FMN1: variants seen among roughly 807,000 people sequenced by gnomAD.
The protein encoded by FMN1 is formin 1, also known as formin-1.
Under a neutral mutation model 132.4 loss-of-function variants are expected in FMN1, and 110 were observed. The ratio of observed to expected loss-of-function variants is 0.83; its 90% CI spans 0.71 to 0.97. The LOEUF (loss-of-function observed/expected upper bound fraction) is 0.97. Among genes scored for constraint, FMN1 ranks in the 50% least tolerant of loss-of-function variants. The probability of loss-of-function intolerance (pLI) is 0.00; values close to 1 mark genes in which losing one functional copy is unlikely to be tolerated. For synonymous variants in FMN1, 722 were observed against 651.7 expected, an observed-to-expected ratio of 1.11 and a Z score of -1.64; for missense variants, 1,792 against 1,705.3, an observed-to-expected ratio of 1.05 and a Z score of -0.90.
At chr15:32,963,339 G>C (rs993551887) in intron 9 of FMN1, among the ~76,000 whole-genome samples, 3 of 134,142 alleles carry the variant, frequency 2.2e-5, no homozygotes, top group African/African-American at 8.4e-5. Context: ...TCTGGGGACT[G>C]TTGTGGGGTC....
intron 5 of FMN1, among the ~76,000 whole-genome samples, chr15:33,076,215 T>C (rs149964130): frequency 1.3e-5 from 2 of 152,308 alleles, no homozygotes; most frequent in African/African-American, 2.4e-5. Flanking sequence ...ATAATATTGC[T>C]GTTCCATATG....
intron 9 of FMN1, among the ~76,000 whole-genome samples, chr15:32,963,241 GAACA>G (rs1231330106): frequency 1.3e-5 from 2 of 148,738 alleles, no homozygotes; most frequent in African/African-American, 5.0e-5. Flanking sequence ...ACTATCACAA[GAACA>G]AAAAACCAAA....
At chr15:33,071,215 A>G (rs774317281) in intron 5 of FMN1, among the ~76,000 whole-genome samples, 1 of 152,210 alleles carries the variant, frequency 6.6e-6, no homozygotes, top group Non-Finnish European at 1.5e-5. Flanking sequence ...TTTCTTTTGC[A>G]TAACTTGGGG....
At chr15:32,916,233 G>A (rs1292231603) in intron 10 of FMN1, among the ~76,000 whole-genome samples, 1 of 152,176 alleles carries the variant, frequency 6.6e-6, no homozygotes, top group Non-Finnish European at 1.5e-5. Flanking sequence ...CCGGGTAAGA[G>A]ATGGCTTTTC....
intron 3 of FMN1, among the ~76,000 whole-genome samples, chr15:33,163,279 G>T (rs948617823): frequency 1.3e-5 from 2 of 150,330 alleles, no homozygotes; most frequent in Non-Finnish European, 3.0e-5. Context: ...TGCTATTTTG[G>T]TTTCTTGTCT....
chr15:33,020,336 C>T (rs529694716), intron 6 of FMN1, among the ~76,000 whole-genome samples: 1 of 152,034 alleles, frequency 6.6e-6, no homozygotes, highest in Admixed American at 6.5e-5. Flanking sequence ...CCCAACCCCC[C>T]CACCAGATTC....
intron 17 of FMN1, among the ~76,000 whole-genome samples, chr15:32,854,433 G>GTA: frequency 6.6e-6 from 1 of 152,306 alleles, no homozygotes; most frequent in Admixed American, 6.5e-5. Context: ...TCCTACAATA[G>GTA]TATATATATT....
intron 7 of FMN1, among the ~76,000 whole-genome samples, chr15:33,004,638 C>T (rs564461008): frequency 6.6e-5 from 10 of 152,274 alleles, no homozygotes; most frequent in Admixed American, 2.6e-4. Flanking sequence ...GGCGATTCCT[C>T]AGGGATCTAG....
chr15:33,096,343 C>T (rs2039084409), intron 4 of FMN1, among the ~76,000 whole-genome samples: 1 of 152,182 alleles, frequency 6.6e-6, no homozygotes, highest in African/African-American at 2.4e-5. Context: ...TGTCAATAAC[C>T]TTTGCCCTTC....
chr15:32,833,501 T>TA (rs1280279886), intron 17 of FMN1, among the ~76,000 whole-genome samples: 3 of 152,078 alleles, frequency 2.0e-5, no homozygotes, highest in Non-Finnish European at 4.4e-5. Context: ...GCCCCAATAT[T>TA]AGTCCATACA....
At chr15:32,883,409 C>A (rs1390193868) in intron 16 of FMN1, among the ~76,000 whole-genome samples, 3 of 144,510 alleles carry the variant, frequency 2.1e-5, no homozygotes, top group African/African-American at 7.7e-5. Context: ...GCTTAGGAGG[C>A]TGAGGTAGGA....
At chr15:32,994,837 T>C (rs896277046) in intron 7 of FMN1, among the ~76,000 whole-genome samples, 1 of 152,208 alleles carries the variant, frequency 6.6e-6, no homozygotes, top group Non-Finnish European at 1.5e-5. Context: ...GCATGTACTG[T>C]CTCTGTAAGT....
intron 4 of FMN1, among the ~76,000 whole-genome samples, chr15:33,136,835 C>T (rs1373674119): frequency 2.0e-5 from 3 of 152,058 alleles, no homozygotes; most frequent in Non-Finnish European, 2.9e-5. Context: ...CGCCTGTAAT[C>T]CCAGCACTTT....
chr15:33,018,291 T>C (rs370465483), intron 6 of FMN1, among the ~76,000 whole-genome samples: 42 of 152,206 alleles, frequency 2.8e-4, no homozygotes, highest in African/African-American at 9.6e-4. Context: ...TTAATCTTAA[T>C]GATCGACCAA....
chr15:32,971,783 T>C (rs1016134081), intron 7 of FMN1, among the ~76,000 whole-genome samples: 1 of 152,204 alleles, frequency 6.6e-6, no homozygotes, highest in Admixed American at 6.5e-5. Context: ...GGAAATATTT[T>C]TGGTGAACTT....
In FMN1 at chr15:33,067,373, C is replaced by A. The variant is rs11858145; in HGVS notation, c.2044-2299G>T. 1,061,066 of 1,613,658 alleles carry A rather than the reference C, an allele frequency of 0.66. 352,234 individuals carry two copies. Among genetic ancestry groups the A allele is most frequent in the East Asian group, 0.85 (38,138 of 44,854 alleles). ...CTCCTGAGATGGCTCAGATAAAACA[C>A]CACTAGGGGACTTTGGGCCATTGGT... On this transcript the variant is annotated intron_variant, in intron 5 of 20. Transcript: ENST00000616417.
At chr15:32,802,157 T>C (rs2057502290) in intron 18 of FMN1, among the ~76,000 whole-genome samples, 1 of 152,254 alleles carries the variant, frequency 6.6e-6, no homozygotes, top group South Asian at 2.1e-4. Context: ...TGGTTTTATA[T>C]AACTTTTTCA....
intron 7 of FMN1, among the ~76,000 whole-genome samples, chr15:32,977,176 A>G (rs1057419076): frequency 2.0e-5 from 3 of 152,150 alleles, no homozygotes; most frequent in Non-Finnish European, 4.4e-5. Flanking sequence ...TATAACAACA[A>G]TCTGTGAGAA....
chr15:33,186,034 C>T (rs1965873172), intron 2 of FMN1, among the ~76,000 whole-genome samples: 1 of 151,998 alleles, frequency 6.6e-6, no homozygotes, highest in Admixed American at 6.6e-5. Context: ...CATCTCATCC[C>T]ACCTCCTTCC....
Sources: allele counts gnomAD v4.1 joint callset (sites outside exome capture counted in the v4.1 genomes callset), GRCh38; gene constraint gnomAD v4.1.1; transcripts MANE v1.5; gene names NCBI Gene and HGNC (gene_info 2026-07-23, HGNC 2026-07-21).